Variants in ZNF585B observed in about 807,000 individuals in gnomAD.
ZNF585B encodes zinc finger protein 585B, also known as zinc finger protein 41-like protein.
Under a neutral mutation model 14.0 loss-of-function variants are expected in ZNF585B, and 7 were observed. The observed-to-expected ratio is 0.50, with a 90% confidence interval of 0.28 to 0.94. The LOEUF is 0.94. Among genes scored for constraint, ZNF585B ranks in the 40% least tolerant of loss-of-function variants. ZNF585B has a pLI of 0.09. For synonymous variants in ZNF585B, 290 were observed against 317.3 expected (o/e 0.91, Z 0.91); for missense variants, 750 against 924.4 (o/e 0.81, Z 2.45).
intron 2 of ZNF585B, chr19:37,198,905 T>C: frequency 8.0e-7 from 1 of 1,252,424 alleles, no homozygotes; most frequent in Non-Finnish European, 1.1e-6. Context: ...ATTTATAATT[T>C]TTAATATGTA....
intron 2 of ZNF585B, among the ~76,000 whole-genome samples, chr19:37,200,173 T>C (rs1453660224): frequency 6.6e-6 from 1 of 151,978 alleles, no homozygotes; most frequent in Non-Finnish European, 1.5e-5. Flanking sequence ...AAAAATAAAT[T>C]GGCAGAACTC....
chr19:37,190,503 C>G (rs1331161800), intron 2 of ZNF585B: 1 of 168,978 alleles, frequency 5.9e-6, no homozygotes, highest in Non-Finnish European at 1.3e-5. Flanking sequence ...CCGCCCACCT[C>G]GACCTCCCAA....
intron 2 of ZNF585B, chr19:37,199,157 A>G: frequency 1.8e-6 from 1 of 549,020 alleles, no homozygotes; most frequent in South Asian, 2.3e-5. Flanking sequence ...TATGTTATCA[A>G]GAATTTAGTA....
At chr19:37,201,476 A>G (rs1316785628) in intron 2 of ZNF585B, among the ~76,000 whole-genome samples, 1 of 152,056 alleles carries the variant, frequency 6.6e-6, no homozygotes, top group Non-Finnish European at 1.5e-5. Flanking sequence ...TATATAAGAT[A>G]TCTTATAAGT....
rs1972291958 is a variant in ZNF585B, at chr19:37,184,180, AC to A, written c.*1046del. 6.6e-6 allele frequency: 1 copy of A among 151,456 alleles called. No individual in the cohort carries two copies. Among genetic ancestry groups the A allele is most frequent in the African/African-American group, 2.4e-5 (1 of 41,164 alleles). 9.4% of individuals were successfully genotyped at this position (151,456 alleles called of 1,614,324 possible). On this transcript the variant is annotated 3_prime_UTR_variant, in exon 5 of 5. Transcript: ENST00000532828. ...AGACCAGCCTGGCCAGCATGGTGAA[AC>A]CCCCGTTTCTACTAAACATACAAAA...
rs1001733256 is a variant in ZNF585B, at chr19:37,183,979, T to C, written c.*1248A>G. 2 of 149,718 alleles carry C rather than the reference T, an allele frequency of 1.3e-5. No individual in the cohort carries two copies. Among genetic ancestry groups the C allele is most frequent in the Admixed American group, 1.3e-4 (2 of 15,002 alleles). The allele number at this position is 149,718 out of a possible 1,614,324, so 9.3% of individuals were successfully genotyped here. ...GGCAACTGAGTGAGAAGAATTGTAA[T>C]AGCAGAAGGAAGAATTTAAGTTCTC... On this transcript the variant is annotated 3_prime_UTR_variant, in exon 5 of 5. Transcript: ENST00000532828.
rs1568504052 is a variant in ZNF585B at position 37,182,256 on chromosome 19, C to A, written c.*2971G>T. The A allele has an allele frequency of 6.6e-6, 1 of 152,086 alleles. No homozygotes were observed. Among genetic ancestry groups the A allele is most frequent in the East Asian group, 1.9e-4 (1 of 5,196 alleles). The allele number at this position is 152,086 out of a possible 1,614,324, so 9.4% of individuals were successfully genotyped here. A position where few individuals can be genotyped will look rare whatever the true frequency, so the allele number is the denominator to read the frequency against. ...AGGAGAAATTATTGAAAGTCATGTA[C>A]AGTGAAATGTGTTTTCCTCCATATT... On this transcript the variant is annotated 3_prime_UTR_variant, in exon 5 of 5. Coordinates refer to ENST00000532828, the MANE Select transcript of ZNF585B (RefSeq NM_152279.4).
chr19:37,186,848 C>G lies in ZNF585B; in HGVS notation c.689G>C (p.Ser230Thr), dbSNP rs1568506385. The G allele has an allele frequency of 3.7e-6, 6 of 1,613,970 alleles. No homozygotes were observed. The highest frequency in any genetic ancestry group is 5.1e-6 in the Non-Finnish European group (6 of 1,179,874). ...GKGFPYNSDL[S>T]IHEKIHTGER... ...TCCAGTATGAATTTTCTCATGTATA[C>G]TGAGATCTGAGTTATAAGGGAAACC... The change falls in exon 5 of 5, where the codon AGT (serine) becomes ACT (threonine). Residue 230 changes from serine to threonine, a missense_variant. Physicochemically the swap from Ser to Thr is moderately conservative, Grantham distance 58 (BLOSUM62 1). This residue lies in a region of ZNF585B where 517 missense variants were observed against 570.3 expected (regional missense o/e 0.91). Coordinates refer to ENST00000532828, the MANE Select transcript of ZNF585B (RefSeq NM_152279.4).
At chr19:37,199,084 C>A in intron 2 of ZNF585B, 1 of 1,295,554 alleles carries the variant, frequency 7.7e-7, no homozygotes, top group South Asian at 1.3e-5. Context: ...TCTAATTTTT[C>A]TCTTTATCAT....
chr19:37,209,712 A>C lies in ZNF585B; in HGVS notation c.-144+729T>G, dbSNP rs999137824. 3.3e-5 allele frequency among the ~76,000 whole-genome samples: 5 copies of C among 150,710 alleles called. No homozygotes were observed. The Admixed American group carries it at 3.4e-4, about 10-fold the overall frequency. ...CACCTACAGACACTAATTGAAACAT[A>C]AAGTGCACTTCTTTTTTTTTTTTTT... On this transcript the variant is annotated intron_variant, in intron 1 of 4. Coordinates refer to ENST00000532828, the MANE Select transcript of ZNF585B (RefSeq NM_152279.4).
chr19:37,209,723 CTTT>C (rs755649009), intron 1 of ZNF585B, among the ~76,000 whole-genome samples: 6 of 117,980 alleles, frequency 5.1e-5, no homozygotes, highest in Admixed American at 9.4e-5. Flanking sequence ...AAGTGCACTT[CTTT>C]TTTTTTTTTT....
chr19:37,187,673 C>T (rs1360077910), intron 4 of ZNF585B, among the ~76,000 whole-genome samples: 1 of 151,668 alleles, frequency 6.6e-6, no homozygotes, highest in Middle Eastern at 3.2e-3. Flanking sequence ...GAAATCCAAA[C>T]ACTTTTTCAA....
intron 1 of ZNF585B, among the ~76,000 whole-genome samples, chr19:37,209,326 C>G (rs1972620976): frequency 6.6e-6 from 1 of 152,080 alleles, no homozygotes; most frequent in African/African-American, 2.4e-5. Flanking sequence ...TGGTCTCGAA[C>G]TCCTGACCTC....
At chr19:37,208,041 C>A (rs1347973525) in intron 1 of ZNF585B, among the ~76,000 whole-genome samples, 2 of 152,116 alleles carry the variant, frequency 1.3e-5, no homozygotes, top group Non-Finnish European at 2.9e-5. Context: ...GACACAACCT[C>A]ATCTCACTGC....
chr19:37,194,218 C>T (rs1480993544), intron 2 of ZNF585B, among the ~76,000 whole-genome samples: 9 of 152,026 alleles, frequency 5.9e-5, no homozygotes, highest in South Asian at 2.1e-4. Flanking sequence ...TAAATTTTTT[C>T]GTAATAACAT....
intron 2 of ZNF585B, among the ~76,000 whole-genome samples, chr19:37,196,714 A>AT (rs1248544062): frequency 6.6e-6 from 1 of 152,080 alleles, no homozygotes; most frequent in African/African-American, 2.4e-5. Flanking sequence ...AATAATAAAT[A>AT]TATTTTCTCT....
rs1373984125 is a variant in ZNF585B, at chr19:37,183,820, G to T, written c.*1407C>A. 6.6e-6 allele frequency: 1 copy of T among 151,804 alleles called. No individual in the cohort carries two copies. The highest frequency in any genetic ancestry group is 1.5e-5 in the Non-Finnish European group (1 of 67,982). 9.4% of individuals were successfully genotyped at this position (151,804 alleles called of 1,614,324 possible). On this transcript the variant is annotated 3_prime_UTR_variant, in exon 5 of 5. Transcript: ENST00000532828. Reference sequence around the variant, plus strand: ...GAGTTATCAATTTCATATGATTTATGATTTATCTCATATCTCATATAATGT... The same window carrying T: ...GAGTTATCAATTTCATATGATTTATTATTTATCTCATATCTCATATAATGT...
At chr19:37,203,250 C>A (rs552152988) in intron 2 of ZNF585B, among the ~76,000 whole-genome samples, 1 of 151,748 alleles carries the variant, frequency 6.6e-6, no homozygotes, top group South Asian at 2.1e-4. Flanking sequence ...TCTAAGATTC[C>A]TTAAAAGGCA....
chr19:37,206,028 G>A (rs562318390), intron 2 of ZNF585B, among the ~76,000 whole-genome samples: 6 of 151,598 alleles, frequency 4.0e-5, no homozygotes, highest in East Asian at 1.9e-4. Context: ...TGCAGTGAGC[G>A]GAGATCATGC....
Sources: gnomAD v4.1 joint callset for allele counts (sites outside exome capture counted in the v4.1 genomes callset) on GRCh38, gnomAD v4.1.1 for gene constraint, gnomAD v4.1.1 regional missense constraint, MANE v1.5 for transcripts, NCBI Gene and HGNC (gene_info 2026-07-23, HGNC 2026-07-21) for gene names.